Variants in NPAS3 observed in about 807,000 individuals in gnomAD.
NPAS3 encodes the protein neuronal PAS domain-containing protein 3.
In NPAS3, 14 loss-of-function variants were observed where a neutral mutation model predicts 73.1. The observed-to-expected ratio is 0.19, with a 90% confidence interval of 0.13 to 0.30. The LOEUF is 0.30. NPAS3 is among the 10% of genes least tolerant of loss of function. The pLI is 1.00. For synonymous variants in NPAS3, 620 were observed against 541.5 expected (o/e 1.14, Z -2.01); for missense variants, 1,096 against 1,250.0 (o/e 0.88, Z 1.86).
chr14:33,063,630 T>C (rs2041182662), intron 2 of NPAS3, among the ~76,000 whole-genome samples: 2 of 152,186 alleles, frequency 1.3e-5, no homozygotes, highest in African/African-American at 4.8e-5. Flanking sequence ...TGTGACTCCG[T>C]TCCTGCTATA....
chr14:33,547,326 A>C (rs1266784454), intron 4 of NPAS3, among the ~76,000 whole-genome samples: 3 of 152,238 alleles, frequency 2.0e-5, no homozygotes, highest in Non-Finnish European at 4.4e-5. Context: ...TCAAGGCTAG[A>C]ATGAGCAAAT....
intron 2 of NPAS3, among the ~76,000 whole-genome samples, chr14:33,128,042 T>C (rs2043494611): frequency 6.6e-6 from 1 of 152,148 alleles, no homozygotes; most frequent in African/African-American, 2.4e-5. Context: ...TAAAATTTTA[T>C]TTTCTTTCAA....
chr14:33,069,870 G>T (rs1380347596), intron 2 of NPAS3, among the ~76,000 whole-genome samples: 1 of 152,090 alleles, frequency 6.6e-6, no homozygotes, highest in Non-Finnish European at 1.5e-5. Context: ...GAATAATAAG[G>T]TCTCATAGTA....
At chr14:33,274,845 T>C (rs775163006) in intron 3 of NPAS3, among the ~76,000 whole-genome samples, 1 of 152,194 alleles carries the variant, frequency 6.6e-6, no homozygotes, top group Non-Finnish European at 1.5e-5. Flanking sequence ...ATGCCAGGAC[T>C]CTAGCAACTT....
intron 3 of NPAS3, among the ~76,000 whole-genome samples, chr14:33,280,313 A>C (rs537542781): frequency 6.6e-6 from 1 of 152,348 alleles, no homozygotes; most frequent in South Asian, 2.1e-4. Context: ...AAATATGTGT[A>C]TTAAAATAAT....
At chr14:33,416,851 T>C (rs2048169034) in intron 4 of NPAS3, among the ~76,000 whole-genome samples, 2 of 152,006 alleles carry the variant, frequency 1.3e-5, no homozygotes, top group Non-Finnish European at 2.9e-5. Context: ...CTTCTGAGCA[T>C]TAATTTTTTT....
intron 2 of NPAS3, among the ~76,000 whole-genome samples, chr14:33,065,287 C>T (rs17457575): frequency 0.41 from 61,599 of 151,904 alleles, 13,141 homozygotes; most frequent in Non-Finnish European, 0.47. Context: ...AAGAAACATA[C>T]GGCTTTTTTA....
intron 6 of NPAS3, among the ~76,000 whole-genome samples, chr14:33,701,163 G>A (rs571746167): frequency 8.5e-5 from 13 of 152,312 alleles, no homozygotes; most frequent in Admixed American, 7.2e-4. Context: ...ATATGGTGCT[G>A]CACAGCCTAC....
intron 4 of NPAS3, among the ~76,000 whole-genome samples, chr14:33,416,268 A>T (rs562066575): frequency 6.6e-6 from 1 of 152,184 alleles, no homozygotes; most frequent in South Asian, 2.1e-4. Context: ...TTGAAGAACA[A>T]CAAGAACTCT....
At chr14:33,761,163 G>A (rs1005619997) in intron 7 of NPAS3, among the ~76,000 whole-genome samples, 1 of 151,386 alleles carries the variant, frequency 6.6e-6, no homozygotes, top group African/African-American at 2.5e-5. Context: ...AAACTTACAA[G>A]ATTGATTTGC....
Position 33,103,849 on chromosome 14 carries a change from T to C in NPAS3, c.140+47855T>C, listed in dbSNP as rs540059191. On this transcript the variant is annotated intron_variant, in intron 2 of 11. Coordinates refer to ENST00000356141, the Ensembl canonical transcript of NPAS3. ...GGCTTCTTTTAAGAGAGGCCATGCCTTTTGAGTTCAGTGAGGGTAGAGCTG... is the reference window on the plus strand; with the variant it reads ...GGCTTCTTTTAAGAGAGGCCATGCCCTTTGAGTTCAGTGAGGGTAGAGCTG... Among the ~76,000 whole-genome samples, 4 of 152,204 alleles carry C rather than the reference T, an allele frequency of 2.6e-5. No individual in the cohort carries two copies. In the East Asian group the frequency reaches 5.8e-4, roughly 22 times the overall value.
intron 3 of NPAS3, among the ~76,000 whole-genome samples, chr14:33,340,782 A>G (rs1258139939): frequency 6.6e-6 from 1 of 152,178 alleles, no homozygotes; most frequent in Non-Finnish European, 1.5e-5. Flanking sequence ...CCTTATATCA[A>G]TTATCCGAAT....
At chr14:33,288,553 G>T (rs917532013) in intron 3 of NPAS3, among the ~76,000 whole-genome samples, 2 of 152,016 alleles carry the variant, frequency 1.3e-5, no homozygotes, top group African/African-American at 4.8e-5. Flanking sequence ...ACATGATGTT[G>T]AGTGAAAGAA....
In NPAS3 at chr14:33,588,863, G is replaced by T. The variant is rs117551809; in HGVS notation, c.558+28653G>T. Reference sequence around the variant, plus strand: ...AACTCCTGACCTTAAGTGATCTACCGGCCCACCTCAGCCTCCCAAAGTTCT... The same window carrying T: ...AACTCCTGACCTTAAGTGATCTACCTGCCCACCTCAGCCTCCCAAAGTTCT... On this transcript the variant is annotated intron_variant, in intron 5 of 11. Transcript: ENST00000356141. 0.015 allele frequency among the ~76,000 whole-genome samples: 2,305 copies of T among 152,048 alleles called. 105 individuals are homozygous for T. In the East Asian group the frequency reaches 0.19, roughly 13 times the overall value.
intron 4 of NPAS3, among the ~76,000 whole-genome samples, chr14:33,434,949 G>C (rs1358336462): frequency 6.6e-6 from 1 of 152,142 alleles, no homozygotes; most frequent in East Asian, 1.9e-4. Context: ...GTGTGGTTGG[G>C]AGATGGGAAC....
chr14:33,158,339 A>G (rs1331500871), intron 2 of NPAS3, among the ~76,000 whole-genome samples: 2 of 152,180 alleles, frequency 1.3e-5, no homozygotes, highest in Non-Finnish European at 2.9e-5. Context: ...TGATTTTGAT[A>G]CATGCTGAGG....
In NPAS3 at chr14:33,243,988, AG is replaced by A. The variant is rs1272955906; in HGVS notation, c.385+28563del. 3.3e-5 allele frequency among the ~76,000 whole-genome samples: 5 copies of A among 152,286 alleles called. No homozygotes were observed. In the East Asian group the frequency reaches 9.6e-4, roughly 29 times the overall value. ...TTAGAAAGGAATAAAATAATGTGAA[AG>A]CTTCTTTTTCTAGAAGGCTTCCCAG... On this transcript the variant is annotated intron_variant, in intron 3 of 11. Transcript: ENST00000356141.
intron 2 of NPAS3, among the ~76,000 whole-genome samples, chr14:33,167,656 G>C (rs540704053): frequency 4.6e-5 from 7 of 152,200 alleles, no homozygotes; most frequent in Non-Finnish European, 8.8e-5. Context: ...TCCAGAATTT[G>C]TTCATTCTTG....
At chr14:33,043,522 G>T (rs1017119314) in intron 1 of NPAS3, among the ~76,000 whole-genome samples, 2 of 152,086 alleles carry the variant, frequency 1.3e-5, no homozygotes, top group Non-Finnish European at 2.9e-5. Context: ...CAACCCAAAT[G>T]AAACTTGAGG....
Sources: allele counts gnomAD v4.1 joint callset (sites outside exome capture counted in the v4.1 genomes callset), GRCh38; gene constraint gnomAD v4.1.1; transcripts MANE v1.5; gene names NCBI Gene and HGNC (gene_info 2026-07-23, HGNC 2026-07-21).